The following ATP9B variants were observed in gnomAD, a reference collection of about 807,000 sequenced individuals.
The protein encoded by ATP9B is probable phospholipid-transporting ATPase IIB.
ATP9B carries 110 observed loss-of-function variants against 146.1 expected under a neutral mutation model. That is an observed-to-expected ratio of 0.75 (90% CI 0.65 to 0.88). ATP9B has a LOEUF of 0.88. Among genes scored for constraint, ATP9B ranks in the 40% least tolerant of loss-of-function variants. ATP9B has a pLI of 0.00. For synonymous variants in ATP9B, 604 were observed against 569.7 expected (o/e 1.06, Z -0.86); for missense variants, 1,499 against 1,496.4 (o/e 1.00, Z -0.03).
chr18:79,371,667 T>G (rs2097071500), intron 26 of ATP9B, among the ~76,000 whole-genome samples: 1 of 152,170 alleles, frequency 6.6e-6, no homozygotes, highest in Admixed American at 6.5e-5. Flanking sequence ...TGTCTAAAGG[T>G]CTTCAGCAGA....
chr18:79,282,890 A>G (rs953870898), intron 13 of ATP9B, among the ~76,000 whole-genome samples: 1 of 152,182 alleles, frequency 6.6e-6, no homozygotes, highest in African/African-American at 2.4e-5. Flanking sequence ...AGCAAAAGAA[A>G]TGTGTTGTCA....
intron 1 of ATP9B, among the ~76,000 whole-genome samples, chr18:79,083,543 C>T (rs750850287): frequency 4.6e-5 from 7 of 152,134 alleles, no homozygotes; most frequent in Non-Finnish European, 1.0e-4. Flanking sequence ...GTGTAGGCAT[C>T]GAAAGGAATC....
Position 79,309,541 on chromosome 18 carries a change from T to A in ATP9B, c.1773+2307T>A, listed in dbSNP as rs8088275. ...CCAGCAGGTAGAAGGTCAGGGGTGG[T>A]GGAGTGATCCCCAGCAGGTAGAAGG... On this transcript the variant is annotated intron_variant, in intron 15 of 29. Coordinates refer to ENST00000426216, the MANE Select transcript of ATP9B (RefSeq NM_198531.5). 7.7e-3 allele frequency among the ~76,000 whole-genome samples: 284 copies of A among 36,974 alleles called. 1 individual carries two copies. The highest frequency in any genetic ancestry group is 0.021 in the African/African-American group (178 of 8,398). The allele number at this position is 36,974 out of a possible 152,430, so 24.3% of individuals were successfully genotyped here. A position where few individuals can be genotyped will look rare whatever the true frequency, so the allele number is the denominator to read the frequency against.
intron 15 of ATP9B, among the ~76,000 whole-genome samples, chr18:79,310,005 A>G (rs755543400): frequency 2.4e-4 from 36 of 152,336 alleles, no homozygotes; most frequent in Non-Finnish European, 4.4e-4. Context: ...AAGCTGCTCA[A>G]TTCTAATTCC....
At position 79,229,032 on chromosome 18, in the gene ATP9B, A is replaced by G. The variant is rs147730490; in HGVS notation, c.1107+14994A>G. On this transcript the variant is annotated intron_variant, in intron 11 of 29. Transcript: ENST00000426216. ...GGCGACAGTATAAGACCCTGTCTCAATACAAGCAAACAAAAAAAGGTAGCA... is the reference window on the plus strand; with the variant it reads ...GGCGACAGTATAAGACCCTGTCTCAGTACAAGCAAACAAAAAAAGGTAGCA... Among the ~76,000 whole-genome samples the G allele has an allele frequency of 4.3e-3, 650 of 152,294 alleles. 4 individuals carry two copies. The highest frequency in any genetic ancestry group is 0.038 in the East Asian group (197 of 5,188).
intron 6 of ATP9B, among the ~76,000 whole-genome samples, chr18:79,150,037 C>T (rs1173525917): frequency 1.3e-5 from 2 of 151,926 alleles, no homozygotes; most frequent in Non-Finnish European, 2.9e-5. Flanking sequence ...GCCAAGATTG[C>T]GCCACTGCAC....
intron 28 of ATP9B, 102 bp from the exon 29 acceptor site, chr18:79,375,292 A>G: frequency 1.8e-6 from 2 of 1,089,826 alleles, no homozygotes; most frequent in South Asian, 2.8e-5. Context: ...CTGCCATTTT[A>G]TTGCTTTTTA....
chr18:79,376,214 C>CACACACACACAAAA, intron 29 of ATP9B: 11,086 of 841,304 alleles, frequency 0.013, 609 homozygotes, highest in East Asian at 0.035. Flanking sequence ...CACACACACA[C>CACACACACACAAAA]AAAACAAAAC....
chr18:79,367,280 C>G (rs1239586497), intron 26 of ATP9B, among the ~76,000 whole-genome samples: 1 of 137,972 alleles, frequency 7.2e-6, no homozygotes, highest in Non-Finnish European at 1.6e-5. Flanking sequence ...AAAGTGCCTC[C>G]TCAACCAGAG....
intron 1 of ATP9B, among the ~76,000 whole-genome samples, chr18:79,076,684 A>T (rs1307153617): frequency 6.6e-6 from 1 of 151,968 alleles, no homozygotes; most frequent in Non-Finnish European, 1.5e-5. Context: ...TAATTCTATA[A>T]GTTTGTGTCT....
chr18:79,170,299 A>G (rs1389457570), intron 7 of ATP9B, among the ~76,000 whole-genome samples: 2 of 152,242 alleles, frequency 1.3e-5, no homozygotes, highest in East Asian at 3.8e-4. Context: ...ACACAGTGAT[A>G]AACAGGATGG....
chr18:79,278,266 G>C lies in ATP9B; in HGVS notation c.1411+1070G>C, dbSNP rs544552185. ...ACGGTCCGCAGCTTCATAGTCGCTC[G>C]ACTTGATGCGACTTTGATCGAGTGG... On this transcript the variant is annotated intron_variant, in intron 13 of 29. Transcript: ENST00000426216. Among the ~76,000 whole-genome samples the C allele has an allele frequency of 2.0e-5, 3 of 152,302 alleles. No individual in the cohort carries two copies. The South Asian group carries it at 6.2e-4, about 32-fold the overall frequency.
chr18:79,358,957 G>T (rs1053068559), intron 25 of ATP9B, among the ~76,000 whole-genome samples: 1 of 151,916 alleles, frequency 6.6e-6, no homozygotes, highest in African/African-American at 2.4e-5. Flanking sequence ...GGGGTGCTCT[G>T]GGTCTGGAGG....
intron 27 of ATP9B, 91 bp downstream of exon 27, chr18:79,372,973 C>A: frequency 1.1e-6 from 1 of 897,314 alleles, no homozygotes; most frequent in South Asian, 1.5e-5. Context: ...GATTAAATTC[C>A]AACAGCTTAA....
At chr18:79,241,602 C>A (rs1328850391) in intron 11 of ATP9B, among the ~76,000 whole-genome samples, 1 of 152,182 alleles carries the variant, frequency 6.6e-6, no homozygotes, top group African/African-American at 2.4e-5. Context: ...TGTATTTTGC[C>A]ACAAGACAAT....
At chr18:79,160,226 G>A (rs2147730456) in intron 7 of ATP9B, among the ~76,000 whole-genome samples, 1 of 152,296 alleles carries the variant, frequency 6.6e-6, no homozygotes, top group Admixed American at 6.5e-5. Context: ...AACTAACACA[G>A]CTCACTCTTA....
chr18:79,173,423 CTTGTGGTGGTTTTTTTTT>C (rs536191160), intron 7 of ATP9B, among the ~76,000 whole-genome samples: 90 of 140,786 alleles, frequency 6.4e-4, no homozygotes, highest in African/African-American at 2.3e-3. Context: ...AGGATTTCTT[CTTGTGGTGGTTTTTTTTT>C]TTTGTCCTAA....
chr18:79,109,103 C>T (rs902513031), intron 2 of ATP9B, among the ~76,000 whole-genome samples: 5 of 152,184 alleles, frequency 3.3e-5, no homozygotes, highest in African/African-American at 1.2e-4. Flanking sequence ...AACTTTTAAG[C>T]TTCCTTTGTC....
intron 13 of ATP9B, among the ~76,000 whole-genome samples, chr18:79,297,838 C>T (rs2096564006): frequency 6.8e-6 from 1 of 148,016 alleles, no homozygotes; most frequent in Admixed American, 6.9e-5. Context: ...AGGAAGGAAA[C>T]ACTGCAATGA....
Sources: gnomAD v4.1 joint callset for allele counts (sites outside exome capture counted in the v4.1 genomes callset) on GRCh38, gnomAD v4.1.1 for gene constraint, MANE v1.5 for transcripts, NCBI Gene and HGNC (gene_info 2026-07-23, HGNC 2026-07-21) for gene names.